The following NUP153 variants were observed in gnomAD, a reference collection of about 807,000 sequenced individuals.
NUP153 encodes the protein nucleoporin 153.
Under a neutral mutation model 134.6 loss-of-function variants are expected in NUP153, and 27 were observed. That is an observed-to-expected ratio of 0.20 (90% CI 0.15 to 0.28). NUP153 has a LOEUF of 0.28. NUP153 is among the 10% of genes least tolerant of loss of function. The pLI is 1.00. For synonymous variants in NUP153, 640 were observed against 623.5 expected, an observed-to-expected ratio of 1.03 and a Z score of -0.40; for missense variants, 1,821 against 1,731.3, an observed-to-expected ratio of 1.05 and a Z score of -0.92.
At chr6:17,703,268 G>A (rs1770247966) in intron 1 of NUP153, among the ~76,000 whole-genome samples, 1 of 151,282 alleles carries the variant, frequency 6.6e-6, no homozygotes, top group African/African-American at 2.4e-5. Flanking sequence ...GCATTTCCCA[G>A]GAGAGCTAAA....
intron 1 of NUP153, among the ~76,000 whole-genome samples, chr6:17,696,864 G>A (rs912066396): frequency 2.0e-5 from 3 of 152,094 alleles, no homozygotes; most frequent in Non-Finnish European, 4.4e-5. Flanking sequence ...CTTGAGGTCA[G>A]GAGTTTGAGA....
chr6:17,656,756 AG>A (rs1197331443), intron 11 of NUP153, among the ~76,000 whole-genome samples: 1 of 152,184 alleles, frequency 6.6e-6, no homozygotes, highest in Admixed American at 6.5e-5. Flanking sequence ...GGAAAGGTTT[AG>A]GGGGTAGATT....
chr6:17,701,596 G>A (rs1348705433), intron 1 of NUP153, among the ~76,000 whole-genome samples: 1 of 151,158 alleles, frequency 6.6e-6, no homozygotes, highest in Non-Finnish European at 1.5e-5. Context: ...AGGAGGCGGA[G>A]GTTGCAGTGA....
chr6:17,625,675 A>T lies in NUP153; in HGVS notation c.3901+133T>A. On this transcript the variant is annotated intron_variant, in intron 19 of 21. Coordinates refer to ENST00000262077, the MANE Select transcript of NUP153 (RefSeq NM_005124.4). The surrounding 1 kb of genome is among the most constrained non-coding windows in gnomAD (Gnocchi z 4.7). Reference sequence around the variant, plus strand: ...ATTCCATACAGTGAATAATTAAAACAACCCTGGTATAGATGACCAAAAGGC... The same window carrying T: ...ATTCCATACAGTGAATAATTAAAACTACCCTGGTATAGATGACCAAAAGGC... 2 of 694,484 alleles carry T rather than the reference A, an allele frequency of 2.9e-6. No individual in the cohort carries two copies. The highest frequency in any genetic ancestry group is 1.8e-5 in the South Asian group (1 of 54,906). The allele number at this position is 694,484 out of a possible 1,614,324, so 43.0% of individuals were successfully genotyped here.
rs1194852689 is a variant in NUP153, at chr6:17,688,424, T to C, written c.306A>G (p.Thr102=). Residue 102 remains threonine, a synonymous_variant, in exon 2 of 22, where the codon ACA becomes ACG. Transcript: ENST00000262077. ...ESSNITDGRI[T]PEPAVSNTEE... ...CTGTATTACTGACTGCTGGCTCAGG[T>C]GTGATTCTCCCATCAGTAATATTAG... 5.6e-6 allele frequency: 9 copies of C among 1,613,854 alleles called. No homozygotes were observed. Among genetic ancestry groups the C allele is most frequent in the Non-Finnish European group, 7.6e-6 (9 of 1,179,836 alleles).
chr6:17,644,314 C>T (rs1352774688), intron 14 of NUP153, among the ~76,000 whole-genome samples: 1 of 152,150 alleles, frequency 6.6e-6, no homozygotes, highest in Non-Finnish European at 1.5e-5. Context: ...CCACTCCAAC[C>T]CACACTAGCA....
At chr6:17,666,124 G>A (rs1019525741) in intron 8 of NUP153, among the ~76,000 whole-genome samples, 16 of 151,942 alleles carry the variant, frequency 1.1e-4, no homozygotes, top group Non-Finnish European at 2.2e-4. Context: ...ACTGCACCTG[G>A]CCCAGAGTGA....
rs1581744499 is a variant in NUP153 at position 17,675,256 on chromosome 6, G to A, written c.696C>T (p.Asn232=). ...TATSSKKPAF[N]LSAFGTLSPS... ...GGGAAAGTGTTCCAAAGGCAGACAA[G>A]TTGAATGCTGGTTTTTTTGAGCTGG... Residue 232 remains asparagine, a synonymous_variant, in exon 4 of 22, where the codon AAC becomes AAT. Coordinates refer to ENST00000262077, the MANE Select transcript of NUP153 (RefSeq NM_005124.4). The surrounding 1 kb of genome is among the most constrained non-coding windows in gnomAD (Gnocchi z 4.4). 1.9e-6 allele frequency: 3 copies of A among 1,614,158 alleles called. No homozygotes were observed. The highest frequency in any genetic ancestry group is 1.7e-6 in the Non-Finnish European group (2 of 1,180,024).
intron 13 of NUP153, among the ~76,000 whole-genome samples, chr6:17,647,389 T>C (rs1766251893): frequency 6.6e-6 from 1 of 152,202 alleles, no homozygotes; most frequent in East Asian, 1.9e-4. Flanking sequence ...TAGTCTTTAA[T>C]TGGCTCTAGG....
At chr6:17,674,487 G>A (rs1403514966) in intron 5 of NUP153, among the ~76,000 whole-genome samples, 1 of 152,138 alleles carries the variant, frequency 6.6e-6, no homozygotes, top group Non-Finnish European at 1.5e-5. Flanking sequence ...CAAAACTACT[G>A]GCCGGGTGCA....
At chr6:17,632,535 T>C in intron 17 of NUP153, 115 bp downstream of exon 17, 1 of 697,962 alleles carries the variant, frequency 1.4e-6, no homozygotes, top group Non-Finnish European at 2.3e-6. Context: ...CATTTTATAT[T>C]AATTTTCAAG....
intron 11 of NUP153, among the ~76,000 whole-genome samples, chr6:17,656,501 G>C (rs562018767): frequency 6.6e-6 from 1 of 152,128 alleles, no homozygotes; most frequent in African/African-American, 2.4e-5. Context: ...CAGCCTCCCT[G>C]GTAGCTGGGA....
chr6:17,678,549 C>T (rs773129814), intron 2 of NUP153, among the ~76,000 whole-genome samples: 3 of 152,106 alleles, frequency 2.0e-5, no homozygotes, highest in Non-Finnish European at 4.4e-5. Flanking sequence ...TGAATGATTA[C>T]TTGCATTCCT....
intron 11 of NUP153, among the ~76,000 whole-genome samples, chr6:17,652,635 T>C (rs1457387142): frequency 6.6e-6 from 1 of 152,136 alleles, no homozygotes; most frequent in East Asian, 1.9e-4. Flanking sequence ...AGAAAATGAG[T>C]AGGCAAGCAA....
intron 5 of NUP153, among the ~76,000 whole-genome samples, chr6:17,671,960 A>T (rs1050417405): frequency 6.6e-6 from 1 of 152,132 alleles, no homozygotes; most frequent in Non-Finnish European, 1.5e-5. Flanking sequence ...GTGAACCAAG[A>T]TCATGCCACA....
At chr6:17,657,953 G>T (rs1203666011) in intron 11 of NUP153, among the ~76,000 whole-genome samples, 1 of 152,204 alleles carries the variant, frequency 6.6e-6, no homozygotes, top group Non-Finnish European at 1.5e-5. Context: ...ATTTTAGACT[G>T]TGGAAATGAT....
intron 12 of NUP153, among the ~76,000 whole-genome samples, chr6:17,648,253 T>A (rs1766317269): frequency 6.6e-6 from 1 of 152,100 alleles, no homozygotes; most frequent in African/African-American, 2.4e-5. Context: ...TGGGAAGCCA[T>A]GACAGAGGGA....
intron 20 of NUP153, among the ~76,000 whole-genome samples, chr6:17,620,210 T>C (rs1764577066): frequency 6.6e-6 from 1 of 150,938 alleles, no homozygotes; most frequent in Non-Finnish European, 1.5e-5. Flanking sequence ...AGAAAAAAGC[T>C]GAGGTATCAT....
chr6:17,616,290 G>GGGGGCC, intron 21 of NUP153, 109 bp from the exon 22 acceptor site: 3 of 473,882 alleles, frequency 6.3e-6, no homozygotes, highest in East Asian at 4.5e-5. Flanking sequence ...GGTGGGGGGG[G>GGGGGCC]AGTAGACTCA....
Sources: allele counts gnomAD v4.1 joint callset (sites outside exome capture counted in the v4.1 genomes callset), GRCh38; gene constraint gnomAD v4.1.1; non-coding constraint Gnocchi (gnomAD v3.1); transcripts MANE v1.5; gene names NCBI Gene and HGNC (gene_info 2026-07-23, HGNC 2026-07-21).